Variants in HERC2 observed in about 807,000 individuals in gnomAD.
HERC2 encodes HECT and RLD domain containing E3 ubiquitin protein ligase 2.
Under a neutral mutation model 537.7 loss-of-function variants are expected in HERC2, and 102 were observed. The ratio of observed to expected loss-of-function variants is 0.19; its 90% CI spans 0.16 to 0.22. The LOEUF (loss-of-function observed/expected upper bound fraction) is 0.22, where lower values mean the gene tolerates loss of function less well. Ranked by LOEUF, HERC2 falls within the 10% of genes least tolerant of loss-of-function variation. The pLI is 1.00. For synonymous variants in HERC2, 2,224 were observed against 2,466.2 expected, an observed-to-expected ratio of 0.90 and a Z score of 2.91; for missense variants, 4,236 against 6,198.2, an observed-to-expected ratio of 0.68 and a Z score of 10.63.
intron 78 of HERC2, among the ~76,000 whole-genome samples, chr15:28,138,164 T>C (rs1434944681): frequency 6.6e-6 from 1 of 152,228 alleles, no homozygotes; most frequent in Non-Finnish European, 1.5e-5. Context: ...GCCGTCTTCA[T>C]AACATAAAAG....
intron 68 of HERC2, among the ~76,000 whole-genome samples, chr15:28,163,743 A>G (rs1403771724): frequency 6.6e-6 from 1 of 152,130 alleles, no homozygotes; most frequent in African/African-American, 2.4e-5. Flanking sequence ...ATTTCAAGCA[A>G]CTCACTGGCA....
chr15:28,245,616 T>TAC (rs1205853026), intron 23 of HERC2, among the ~76,000 whole-genome samples: 1 of 147,518 alleles, frequency 6.8e-6, no homozygotes, highest in African/African-American at 2.5e-5. Flanking sequence ...GATATATATA[T>TAC]ACACACACAT....
intron 69 of HERC2, among the ~76,000 whole-genome samples, chr15:28,153,185 C>T (rs1057108265): frequency 6.6e-6 from 1 of 152,148 alleles, no homozygotes; most frequent in African/African-American, 2.4e-5. Flanking sequence ...GAAACCCCAT[C>T]TCTACTAAAA....
Position 28,248,535 on chromosome 15 carries a change from C to A in HERC2, c.3235+17G>T. 1.9e-6 allele frequency: 3 copies of A among 1,603,582 alleles called. No individual in the cohort carries two copies. Among genetic ancestry groups the A allele is most frequent in the Non-Finnish European group, 2.6e-6 (3 of 1,171,110 alleles). On this transcript the variant is annotated intron_variant, in intron 21 of 92. Transcript: ENST00000261609. ...CCCGATCACATACAAGACACTTTCA[C>A]ATTTTAAGCAACTTACTAGAAATAT...
chr15:28,119,273 G>A (rs1183249503), intron 86 of HERC2, among the ~76,000 whole-genome samples: 2 of 151,756 alleles, frequency 1.3e-5, no homozygotes, highest in Admixed American at 6.6e-5. Flanking sequence ...GGTGGCACAC[G>A]TCTGTAATCT....
intron 70 of HERC2, among the ~76,000 whole-genome samples, chr15:28,148,210 T>TA (rs755279999): frequency 1.4e-4 from 21 of 151,558 alleles, no homozygotes; most frequent in Non-Finnish European, 2.4e-4. Context: ...AAATCAGACT[T>TA]ACAAAAACCA....
Position 28,251,351 on chromosome 15 carries a change from G to A in HERC2, c.3051-2615C>T, listed in dbSNP as rs2075072322. 2.6e-5 allele frequency among the ~76,000 whole-genome samples: 4 copies of A among 151,938 alleles called. No individual in the cohort carries two copies. In the South Asian group the frequency reaches 6.2e-4, roughly 24 times the overall value. On this transcript the variant is annotated intron_variant, in intron 20 of 92. Transcript: ENST00000261609. The stretch of plus-strand genomic sequence containing the variant: ...CCAGCCACTCAGGAGGCTGAGGCAG[G>A]AGAATCATTTGAACCCAGGAGGCAG...
intron 86 of HERC2, among the ~76,000 whole-genome samples, chr15:28,118,779 T>C (rs1888556769): frequency 6.6e-6 from 1 of 152,216 alleles, no homozygotes; most frequent in Admixed American, 6.5e-5. Flanking sequence ...AACAATGTTT[T>C]TCTCCATGTT....
chr15:28,195,892 A>C (rs1488594140), intron 52 of HERC2, among the ~76,000 whole-genome samples: 1 of 152,264 alleles, frequency 6.6e-6, no homozygotes, highest in Non-Finnish European at 1.5e-5. Flanking sequence ...TAAATTAAAA[A>C]ACTCACTCTC....
At position 28,177,383 on chromosome 15, in the gene HERC2, C is replaced by A. The variant is rs181623686; in HGVS notation, c.9254+36G>T. 5 of 1,561,474 alleles carry A rather than the reference C, an allele frequency of 3.2e-6. No individual in the cohort carries two copies. In the East Asian group the frequency reaches 6.7e-5, roughly 21 times the overall value. The stretch of plus-strand genomic sequence containing the variant: ...CAAGAGTATCAGTCAGAAACAGTTT[C>A]TTATTAGCAAATGAGACTAAAAAAA... On this transcript the variant is annotated intron_variant, in intron 60 of 92. Transcript: ENST00000261609. The surrounding 1 kb of genome is among the most constrained non-coding windows in gnomAD (Gnocchi z 5.0).
At chr15:28,142,616 T>G (rs1029551357) in intron 75 of HERC2, among the ~76,000 whole-genome samples, 4 of 152,164 alleles carry the variant, frequency 2.6e-5, no homozygotes, top group Non-Finnish European at 4.4e-5. Context: ...CAAGAACACC[T>G]GTGCATCTCA....
At chr15:28,216,334 A>G (rs1390751386) in intron 38 of HERC2, among the ~76,000 whole-genome samples, 3 of 146,284 alleles carry the variant, frequency 2.1e-5, no homozygotes, top group African/African-American at 5.2e-5. Context: ...TTGTATTTTT[A>G]GTAGAGACAG....
rs749928148 is a variant in HERC2, at chr15:28,265,691, C to A, written c.1797G>T (p.Gly599=). 8 of 1,614,086 alleles carry A rather than the reference C, an allele frequency of 5.0e-6. No homozygotes were observed. In the Middle Eastern group the frequency reaches 9.9e-4, roughly 199 times the overall value. The part of the protein sequence containing the change: ...EDEAIPMLVA[G]LKGLKVIDVA... Reference sequence around the variant, plus strand: ...CATCGATGACCTTCAGTCCTTTAAGCCCGGCTACCAGCATCGGAATGGCCT... The same window carrying A: ...CATCGATGACCTTCAGTCCTTTAAGACCGGCTACCAGCATCGGAATGGCCT... The change falls in exon 14 of 93, where the codon GGG becomes GGT. Residue 599 remains glycine, a synonymous_variant. Coordinates refer to ENST00000261609, the MANE Select transcript of HERC2 (RefSeq NM_004667.6). This position sits in a 1 kb window ranked among gnomAD's most constrained non-coding sequence, Gnocchi z 4.0.
intron 2 of HERC2, among the ~76,000 whole-genome samples, chr15:28,318,131 CAT>C (rs1469768635): frequency 6.6e-6 from 1 of 152,138 alleles, no homozygotes; most frequent in Admixed American, 6.5e-5. Flanking sequence ...TTTAAGGTAT[CAT>C]ATATTGTTTT....
chr15:28,147,046 G>A (rs1186825726), intron 70 of HERC2, among the ~76,000 whole-genome samples: 1 of 141,886 alleles, frequency 7.0e-6, no homozygotes, highest in East Asian at 2.0e-4. Flanking sequence ...AGGAGGTGGG[G>A]AGTGGAAGCA....
At chr15:28,173,418 AAGTG>A (rs1474347044) in intron 65 of HERC2, among the ~76,000 whole-genome samples, 1 of 152,260 alleles carries the variant, frequency 6.6e-6, no homozygotes, top group Non-Finnish European at 1.5e-5. Flanking sequence ...CATGCAACAT[AAGTG>A]AATCTCAAAA....
intron 75 of HERC2, 183 bp from the exon 76 acceptor site, chr15:28,142,576 G>C: frequency 1.5e-6 from 1 of 661,032 alleles, no homozygotes; most frequent in Admixed American, 3.0e-5. Flanking sequence ...CCACACAACT[G>C]CTGCAACACT....
chr15:28,198,745 G>A lies in HERC2; in HGVS notation c.7741C>T (p.Arg2581Ter). The A allele has an allele frequency of 6.2e-7, 1 of 1,613,276 alleles. No homozygotes were observed. Among genetic ancestry groups the A allele is most frequent in the Non-Finnish European group, 8.5e-7 (1 of 1,179,664 alleles). The change falls in exon 49 of 93, where the codon CGA becomes TGA. Residue 2581 changes from arginine (R) to a stop codon, truncating the protein, a stop_gained. Transcript: ENST00000261609. LOFTEE classifies it high-confidence loss of function. ...IQVGMMVRCC[R>*]AYEEVCEGDV... ...CCTTCGCACACTTCTTCATACGCTC[G>A]GCAGCATCTAACCATCATTCCCACC...
chr15:28,154,969 A>T (rs1387458796), intron 69 of HERC2, among the ~76,000 whole-genome samples: 2 of 134,812 alleles, frequency 1.5e-5, no homozygotes, highest in Non-Finnish European at 3.0e-5. Flanking sequence ...CCTGTGTCCA[A>T]GTGTTCTCAT....
Sources: gnomAD v4.1 joint callset for allele counts (sites outside exome capture counted in the v4.1 genomes callset) on GRCh38, gnomAD v4.1.1 for gene constraint, Gnocchi (gnomAD v3.1) non-coding constraint, MANE v1.5 for transcripts, NCBI Gene and HGNC (gene_info 2026-07-23, HGNC 2026-07-21) for gene names.